YEATS2: variants seen among roughly 807,000 people sequenced by gnomAD.
The protein encoded by YEATS2 is YEATS domain containing 2, also known as YEATS domain-containing protein 2.
YEATS2 carries 77 observed loss-of-function variants against 163.2 expected under a neutral mutation model. That is an observed-to-expected ratio of 0.47 (90% CI 0.39 to 0.57). The LOEUF (loss-of-function observed/expected upper bound fraction) is 0.57. Among genes scored for constraint, YEATS2 ranks in the 20% least tolerant of loss-of-function variants. YEATS2 has a pLI of 0.00. For missense variants in YEATS2, 1,549 were observed against 1,729.8 expected (o/e 0.90, Z 1.85); for synonymous variants, 631 against 645.1 (o/e 0.98, Z 0.33).
intron 1 of YEATS2, among the ~76,000 whole-genome samples, chr3:183,709,382 T>A (rs1400039181): frequency 5.3e-5 from 8 of 150,844 alleles, no homozygotes; most frequent in Middle Eastern, 3.6e-3. Context: ...CCCAGGCTGG[T>A]GTGCAGTGGC....
chr3:183,806,537 A>C, intron 27 of YEATS2: 1 of 437,150 alleles, frequency 2.3e-6, no homozygotes, highest in Non-Finnish European at 4.4e-6. Flanking sequence ...AATTTTCCAG[A>C]TTTGAGATGA....
chr3:183,805,646 G>A (rs1237897774), intron 27 of YEATS2, among the ~76,000 whole-genome samples: 21 of 151,776 alleles, frequency 1.4e-4, no homozygotes, highest in South Asian at 6.2e-4. Flanking sequence ...AAAATTAGCC[G>A]GGCATGGTGG....
chr3:183,722,906 CCT>C (rs1305330209), intron 5 of YEATS2, among the ~76,000 whole-genome samples: 1 of 152,154 alleles, frequency 6.6e-6, no homozygotes, highest in Non-Finnish European at 1.5e-5. Flanking sequence ...CCTGCCTCGG[CCT>C]CTCAAAGTGC....
chr3:183,797,831 C>T (rs1725302497), intron 21 of YEATS2, 92 bp from the exon 22 acceptor site: 44 of 1,530,060 alleles, frequency 2.9e-5, no homozygotes, highest in Non-Finnish European at 3.8e-5. Flanking sequence ...CTGGGAACTT[C>T]CTCCATGACA....
chr3:183,749,649 T>G (rs1719950309), intron 9 of YEATS2, among the ~76,000 whole-genome samples: 1 of 152,164 alleles, frequency 6.6e-6, no homozygotes, highest in African/African-American at 2.4e-5. Flanking sequence ...TTTTTATTTA[T>G]TTATTTTTGA....
intron 8 of YEATS2, among the ~76,000 whole-genome samples, chr3:183,746,812 G>A (rs1012844492): frequency 6.6e-6 from 1 of 151,840 alleles, no homozygotes; most frequent in Non-Finnish European, 1.5e-5. Flanking sequence ...TCTCTATGTT[G>A]GCTGCTAAGA....
chr3:183,761,677 A>T, intron 14 of YEATS2, 63 bp downstream of exon 14: 1 of 1,422,732 alleles, frequency 7.0e-7, no homozygotes, highest in Non-Finnish European at 9.9e-7. Flanking sequence ...GTTGGAGTTC[A>T]TTGCCACTAC....
intron 1 of YEATS2, among the ~76,000 whole-genome samples, chr3:183,706,604 A>G (rs1043703200): frequency 2.0e-5 from 3 of 152,136 alleles, no homozygotes; most frequent in Non-Finnish European, 4.4e-5. Context: ...ATCACCTGAG[A>G]TCGGGAGTTC....
chr3:183,710,601 C>T (rs1715095796), intron 1 of YEATS2, among the ~76,000 whole-genome samples: 1 of 152,164 alleles, frequency 6.6e-6, no homozygotes, highest in East Asian at 1.9e-4. Flanking sequence ...CAAATGAACT[C>T]ATTGTTGGTT....
chr3:183,751,728 C>T (rs9865766), intron 9 of YEATS2, among the ~76,000 whole-genome samples: 341 of 152,296 alleles, frequency 2.2e-3, no homozygotes, highest in African/African-American at 7.8e-3. Context: ...TGAGAAGGTG[C>T]TACTTCATTG....
intron 8 of YEATS2, 39 bp downstream of exon 8, chr3:183,736,868 C>T (rs368808444): frequency 6.4e-7 from 1 of 1,556,164 alleles, no homozygotes; most frequent in African/African-American, 1.4e-5. Flanking sequence ...TTTGAAGTCT[C>T]TTTTTACCAG....
At chr3:183,728,004 A>T (rs1345642840) in intron 6 of YEATS2, among the ~76,000 whole-genome samples, 4 of 152,122 alleles carry the variant, frequency 2.6e-5, no homozygotes, top group Admixed American at 2.6e-4. Context: ...AACTTTTAAC[A>T]GAATGTCCCT....
chr3:183,708,077 G>A (rs1714802741), intron 1 of YEATS2, among the ~76,000 whole-genome samples: 1 of 151,734 alleles, frequency 6.6e-6, no homozygotes, highest in Admixed American at 6.6e-5. Context: ...GAATTATTGA[G>A]ATGATACCTC....
chr3:183,739,203 A>G (rs905835452), intron 8 of YEATS2, among the ~76,000 whole-genome samples: 15 of 152,186 alleles, frequency 9.9e-5, no homozygotes, highest in Admixed American at 9.8e-4. Flanking sequence ...TTGTTTATCT[A>G]GAAAACCCCA....
At chr3:183,712,187 C>CTTTTCTTTTA (rs1715296573) in intron 1 of YEATS2, among the ~76,000 whole-genome samples, 1 of 113,394 alleles carries the variant, frequency 8.8e-6, no homozygotes, top group Non-Finnish European at 1.8e-5. Context: ...ATTTTATGTT[C>CTTTTCTTTTA]TTTTATTTTA....
intron 8 of YEATS2, among the ~76,000 whole-genome samples, chr3:183,737,553 A>T (rs977528511): frequency 1.9e-4 from 29 of 152,222 alleles, no homozygotes; most frequent in Admixed American, 1.6e-3. Context: ...TCTTGGGGCT[A>T]AGTTACTGAA....
chr3:183,803,154 G>A (rs917223894), intron 25 of YEATS2, 102 bp from the exon 26 acceptor site: 8 of 1,218,116 alleles, frequency 6.6e-6, no homozygotes, highest in African/African-American at 4.5e-5. Context: ...ACATACATGC[G>A]ATAAAGAGGT....
Position 183,749,308 on chromosome 3 carries a change from T to G in YEATS2, c.969+1592T>G, listed in dbSNP as rs967297658. On this transcript the variant is annotated intron_variant, in intron 9 of 30. Transcript: ENST00000305135. The stretch of plus-strand genomic sequence containing the variant: ...AACACAAAATTTACCGTCTTACCCA[T>G]TTTTCAGTGTACAGTCTAGTGGCAT... Among the ~76,000 whole-genome samples the G allele has an allele frequency of 4.6e-5, 7 of 152,328 alleles. No homozygotes were observed. The South Asian group carries it at 1.2e-3, about 27-fold the overall frequency.
chr3:183,752,007 C>A, intron 9 of YEATS2, 66 bp from the exon 10 acceptor site: 2 of 1,560,056 alleles, frequency 1.3e-6, no homozygotes, highest in Non-Finnish European at 1.8e-6. Context: ...CATTCTTGGA[C>A]GGGACTTGAG....
Sources: allele counts gnomAD v4.1 joint callset (sites outside exome capture counted in the v4.1 genomes callset), GRCh38; gene constraint gnomAD v4.1.1; transcripts MANE v1.5; gene names NCBI Gene and HGNC (gene_info 2026-07-23, HGNC 2026-07-21).